Variants in TTLL5 observed in about 807,000 individuals in gnomAD.
The protein encoded by TTLL5 is tubulin tyrosine ligase like 5, also known as tubulin polyglutamylase TTLL5.
A neutral mutation model predicts 168.4 loss-of-function variants in TTLL5; 132 were observed. The observed-to-expected ratio is 0.78, with a 90% CI of 0.68 to 0.91. The LOEUF is 0.91. TTLL5 is among the 40% of genes least tolerant of loss of function. The pLI is 0.00. For missense variants in TTLL5, 1,545 were observed against 1,581.5 expected, an observed-to-expected ratio of 0.98 and a Z score of 0.39; for synonymous variants, 546 against 558.6, an observed-to-expected ratio of 0.98 and a Z score of 0.32.
At chr14:75,705,446 A>C (rs191004497) in intron 7 of TTLL5, among the ~76,000 whole-genome samples, 1,815 of 152,344 alleles carry the variant, frequency 0.012, 16 homozygotes, top group Non-Finnish European at 0.018. Context: ...ATTTGAGAGC[A>C]GAATATTGGG....
intron 30 of TTLL5, among the ~76,000 whole-genome samples, chr14:75,893,117 C>T (rs1212521354): frequency 6.6e-6 from 1 of 152,088 alleles, no homozygotes; most frequent in Non-Finnish European, 1.5e-5. Context: ...AACAGTCAGA[C>T]ATGTTAGATC....
At chr14:75,828,599 C>T (rs187067811) in intron 28 of TTLL5, among the ~76,000 whole-genome samples, 230 of 152,154 alleles carry the variant, frequency 1.5e-3, no homozygotes, top group Middle Eastern at 3.4e-3. Context: ...CCTGAATTTT[C>T]GACTGTGCAG....
intron 31 of TTLL5, among the ~76,000 whole-genome samples, chr14:75,933,810 C>G (rs2078339629): frequency 6.6e-6 from 1 of 152,180 alleles, no homozygotes; most frequent in South Asian, 2.1e-4. Flanking sequence ...CGGCAGGGCC[C>G]TGCTCCAGTG....
At chr14:75,938,485 A>T (rs1480060342) in intron 31 of TTLL5, among the ~76,000 whole-genome samples, 6 of 152,238 alleles carry the variant, frequency 3.9e-5, no homozygotes, top group Non-Finnish European at 1.5e-5. Flanking sequence ...AGATGACTTT[A>T]TGTAAATTGC....
rs1226254969 is a variant in TTLL5 at position 75,925,075 on chromosome 14, G to A, written c.3823+22851G>A. On this transcript the variant is annotated intron_variant, in intron 31 of 31. Coordinates refer to ENST00000298832, the MANE Select transcript of TTLL5 (RefSeq NM_015072.5). ...CCCTCACCTCCAGGATGGGGCGGCT[G>A]GTCGGGCGGGGGGCTGACCCCCCAA... Among the ~76,000 whole-genome samples, 17 of 147,250 alleles carry A rather than the reference G, an allele frequency of 1.2e-4. No individual in the cohort carries two copies. In the East Asian group the frequency reaches 3.1e-3, roughly 27 times the overall value.
Position 75,663,048 on chromosome 14 carries a change from C to A in TTLL5, c.-95-7C>A. Reference sequence around the variant, plus strand: ...TCAATTGATCCAATCAAGTTGATTTCTTGCAGGAATCTGTGCCATCCAAAT... The same window carrying A: ...TCAATTGATCCAATCAAGTTGATTTATTGCAGGAATCTGTGCCATCCAAAT... On this transcript the variant is annotated splice_region_variant and splice_polypyrimidine_tract_variant and intron_variant, in intron 1 of 31. Coordinates refer to ENST00000298832, the MANE Select transcript of TTLL5 (RefSeq NM_015072.5). 1 of 949,976 alleles carries A rather than the reference C, an allele frequency of 1.1e-6. No homozygotes were observed. The highest frequency in any genetic ancestry group is 1.7e-6 in the Non-Finnish European group (1 of 594,788). The allele number at this position is 949,976 out of a possible 1,614,324, so 58.8% of individuals were successfully genotyped here.
chr14:75,821,063 G>T (rs1208650561), intron 28 of TTLL5, among the ~76,000 whole-genome samples: 1 of 152,204 alleles, frequency 6.6e-6, no homozygotes, highest in South Asian at 2.1e-4. Flanking sequence ...CTGAGATTCA[G>T]AGGGGGTACT....
At chr14:75,815,812 C>A (rs141073044) in intron 27 of TTLL5, among the ~76,000 whole-genome samples, 3 of 152,140 alleles carry the variant, frequency 2.0e-5, no homozygotes, top group Non-Finnish European at 4.4e-5. Context: ...TGACTTTGAG[C>A]AAATTGCTTA....
rs1186854002 is a variant in TTLL5 at position 75,863,877 on chromosome 14, G to A, written c.3522+15G>A. On this transcript the variant is annotated intron_variant, in intron 29 of 31. Transcript: ENST00000298832. ...CCCGGCACCAGGTAATTCAAGATAA[G>A]TCTTTTCCATGTGTTATATCTTCCT... The A allele has an allele frequency of 2.4e-6, 2 of 842,050 alleles. No individual in the cohort carries two copies. The highest frequency in any genetic ancestry group is 3.6e-6 in the Non-Finnish European group (2 of 560,344). The allele number at this position is 842,050 out of a possible 1,614,324, so 52.2% of individuals were successfully genotyped here.
rs758828125 is a variant in TTLL5 at position 75,733,995 on chromosome 14, G to A, written c.1131G>A (p.Ala377=). The A allele has an allele frequency of 2.9e-5, 47 of 1,613,686 alleles. No individual in the cohort carries two copies. The Admixed American group carries it at 3.2e-4, about 11-fold the overall frequency. Residue 377 remains alanine, a synonymous_variant, in exon 14 of 32, where the codon GCG becomes GCA. Coordinates refer to ENST00000298832, the MANE Select transcript of TTLL5 (RefSeq NM_015072.5). ...VNLSPSLACD[A]PLDLKIKASM... Reference sequence around the variant, plus strand: ...TCTTTCTCTGTTCTGTTAGTGATGCGCCTCTGGACCTAAAGATTAAAGCCA... The same window carrying A: ...TCTTTCTCTGTTCTGTTAGTGATGCACCTCTGGACCTAAAGATTAAAGCCA...
intron 28 of TTLL5, among the ~76,000 whole-genome samples, chr14:75,851,204 G>A (rs1279756952): frequency 1.3e-5 from 2 of 151,278 alleles, no homozygotes; most frequent in Non-Finnish European, 2.9e-5. Flanking sequence ...AGGTTATAAA[G>A]CATAGAGTAT....
In TTLL5 at chr14:75,914,034, AT is replaced by A. The variant is rs1263400203; in HGVS notation, c.3823+11811del. On this transcript the variant is annotated intron_variant, in intron 31 of 31. Coordinates refer to ENST00000298832, the MANE Select transcript of TTLL5 (RefSeq NM_015072.5). Reference sequence around the variant, plus strand: ...TTTAAAAGGAAAAAAAAAAAAAAAAATATATATATATATATATATATTTTAT... The same window carrying A: ...TTTAAAAGGAAAAAAAAAAAAAAAAAATATATATATATATATATATTTTAT... Among the ~76,000 whole-genome samples the A allele has an allele frequency of 1.3e-3, 100 of 76,412 alleles. 1 individual carries two copies. Among genetic ancestry groups the A allele is most frequent in the Admixed American group, 1.4e-3 (9 of 6,572 alleles). The allele number at this position is 76,412 out of a possible 152,430, so 50.1% of individuals were successfully genotyped here. A position where few individuals can be genotyped will look rare whatever the true frequency, so the allele number is the denominator to read the frequency against.
chr14:75,748,281 TAAAA>T (rs35811861), intron 17 of TTLL5, among the ~76,000 whole-genome samples: 37 of 143,414 alleles, frequency 2.6e-4, no homozygotes, highest in Non-Finnish European at 2.4e-4. Context: ...AACTTTTTCT[TAAAA>T]AAAAAAAAAA....
In TTLL5 at chr14:75,902,239, G is replaced by T. The variant is rs754390898; in HGVS notation, c.3823+15G>T. The stretch of plus-strand genomic sequence containing the variant: ...CAGCTCTACAGGTTAGTGGGCACCA[G>T]CTCTTCTGCAACTGGATAGATGACA... On this transcript the variant is annotated intron_variant, in intron 31 of 31. Coordinates refer to ENST00000298832, the MANE Select transcript of TTLL5 (RefSeq NM_015072.5). The T allele has an allele frequency of 1.2e-6, 2 of 1,613,588 alleles. No individual in the cohort carries two copies. The highest frequency in any genetic ancestry group is 3.3e-5 in the Admixed American group (2 of 60,014).
intron 31 of TTLL5, among the ~76,000 whole-genome samples, chr14:75,909,946 G>C (rs948065221): frequency 1.3e-5 from 2 of 152,190 alleles, no homozygotes; most frequent in Non-Finnish European, 2.9e-5. Flanking sequence ...CAAAACCCAA[G>C]TATAGCTGAA....
chr14:75,681,973 C>G (rs1884651206), intron 4 of TTLL5, among the ~76,000 whole-genome samples: 1 of 151,782 alleles, frequency 6.6e-6, no homozygotes, highest in Non-Finnish European at 1.5e-5. Context: ...AGGTGGATCC[C>G]AAGGTCAGGA....
At chr14:75,953,748 A>G (rs769438421) in intron 31 of TTLL5, among the ~76,000 whole-genome samples, 3 of 152,200 alleles carry the variant, frequency 2.0e-5, no homozygotes, top group Non-Finnish European at 4.4e-5. Context: ...AAAAGCATAC[A>G]TGGAAGAATT....
chr14:75,812,886 T>G (rs943355868), intron 27 of TTLL5, among the ~76,000 whole-genome samples: 24 of 152,290 alleles, frequency 1.6e-4, no homozygotes, highest in African/African-American at 3.4e-4. Flanking sequence ...GCTGGGGCTG[T>G]GGCTGGGCCA....
At chr14:75,914,099 T>A (rs2140120525) in intron 31 of TTLL5, among the ~76,000 whole-genome samples, 1 of 145,258 alleles carries the variant, frequency 6.9e-6, no homozygotes, top group South Asian at 2.2e-4. Flanking sequence ...TTTGTTTTGT[T>A]TTTGTTTTTA....
Sources: allele counts gnomAD v4.1 joint callset (sites outside exome capture counted in the v4.1 genomes callset), GRCh38; gene constraint gnomAD v4.1.1; transcripts MANE v1.5; gene names NCBI Gene and HGNC (gene_info 2026-07-23, HGNC 2026-07-21).